MPHOSPH8: variants seen among roughly 807,000 people sequenced by gnomAD.
The protein encoded by MPHOSPH8 is M-phase phosphoprotein 8, also known as M-phase phosphoprotein, mpp.
In MPHOSPH8, 45 loss-of-function variants were observed where a neutral mutation model predicts 87.3. The observed-to-expected ratio is 0.52, with a 90% CI of 0.41 to 0.66. The LOEUF is 0.66. MPHOSPH8 is among the 30% of genes least tolerant of loss of function. The pLI is 0.00. For synonymous variants in MPHOSPH8, 366 were observed against 376.9 expected (o/e 0.97, Z 0.33); for missense variants, 883 against 1,020.2 (o/e 0.87, Z 1.83).
At chr13:19,670,958 TA>T in intron 12 of MPHOSPH8, 1 of 1,040,676 alleles carries the variant, frequency 9.6e-7, no homozygotes, top group Admixed American at 2.7e-5. Context: ...TACCTGGGAC[TA>T]AAAATGCACG....
intron 5 of MPHOSPH8, among the ~76,000 whole-genome samples, chr13:19,654,253 T>A (rs1354368992): frequency 5.3e-5 from 8 of 152,146 alleles, no homozygotes; most frequent in African/African-American, 1.9e-4. Context: ...CTACATGTTC[T>A]CACTCATAAG....
At chr13:19,659,676 A>T (rs56032248) in intron 7 of MPHOSPH8, 34,064 of 432,610 alleles carry the variant, frequency 0.079, 1,702 homozygotes, top group African/African-American at 0.18. Flanking sequence ...AAAAAAAAAA[A>T]AATAATGCAC....
At chr13:19,652,691 C>T (rs1203707596) in intron 5 of MPHOSPH8, among the ~76,000 whole-genome samples, 1 of 152,196 alleles carries the variant, frequency 6.6e-6, no homozygotes. Context: ...GCTTGAAATT[C>T]TCGCTGCCAG....
At chr13:19,649,950 G>A (rs758916404) in intron 4 of MPHOSPH8, 53 bp from the exon 5 acceptor site, 1 of 1,386,270 alleles carries the variant, frequency 7.2e-7, no homozygotes, top group Non-Finnish European at 9.8e-7. Flanking sequence ...TCTTTTGAAT[G>A]TAACAGAAAT....
intron 1 of MPHOSPH8, 75 bp from the exon 2 acceptor site, chr13:19,642,040 G>GTTTT (rs35022508): frequency 0.017 from 9,279 of 550,218 alleles, 42 homozygotes; most frequent in East Asian, 0.027. Flanking sequence ...CTTCTCATCA[G>GTTTT]TTTTTTTTTT....
Position 19,661,826 on chromosome 13 carries a change from T to C in MPHOSPH8, c.1920T>C (p.His640=). The change falls in exon 8 of 14, where the codon CAT becomes CAC. Residue 640 remains histidine, a synonymous_variant. Coordinates refer to ENST00000361479, the MANE Select transcript of MPHOSPH8 (RefSeq NM_017520.4). ...AGAACGGGACCACCGCCCTCATTCA[T>C]GCTGCAGAGAAGGTTTGTGGCTTCT... ...RQKNGTTALI[H]AAEKNFLTTV... 2 of 1,611,002 alleles carry C rather than the reference T, an allele frequency of 1.2e-6. No individual in the cohort carries two copies. The highest frequency in any genetic ancestry group is 4.5e-5 in the East Asian group (2 of 44,694).
intron 1 of MPHOSPH8, among the ~76,000 whole-genome samples, chr13:19,638,795 G>T (rs907666067): frequency 1.1e-4 from 16 of 152,054 alleles, no homozygotes; most frequent in Admixed American, 5.2e-4. Context: ...AAAGTTTATT[G>T]CCTTGGTGGT....
intron 1 of MPHOSPH8, among the ~76,000 whole-genome samples, chr13:19,634,763 G>C (rs1820806995): frequency 6.6e-6 from 1 of 152,122 alleles, no homozygotes; most frequent in Non-Finnish European, 1.5e-5. Context: ...GCTATATGTG[G>C]TCTCCTTTAA....
chr13:19,672,258 C>T lies in MPHOSPH8; in HGVS notation c.*383C>T. ...CTCCTGGGTTCAAGTGATTCTCCTG[C>T]CTCAGCCTCCTGAGTAGCTGGGATT... On this transcript the variant is annotated 3_prime_UTR_variant, in exon 14 of 14. Coordinates refer to ENST00000361479, the MANE Select transcript of MPHOSPH8 (RefSeq NM_017520.4). 1 of 177,262 alleles carries T rather than the reference C, an allele frequency of 5.6e-6. No individual in the cohort carries two copies. 11.0% of individuals were successfully genotyped at this position (177,262 alleles called of 1,614,324 possible). A position where few individuals can be genotyped will look rare whatever the true frequency, so the allele number is the denominator to read the frequency against.
At chr13:19,652,950 C>T (rs1874941227) in intron 5 of MPHOSPH8, among the ~76,000 whole-genome samples, 1 of 152,130 alleles carries the variant, frequency 6.6e-6, no homozygotes, top group African/African-American at 2.4e-5. Context: ...GTAGATAAAA[C>T]CCCCATCTCC....
Position 19,670,319 on chromosome 13 carries a change from C to T in MPHOSPH8, c.2413C>T (p.Gln805Ter). The T allele has an allele frequency of 6.2e-7, 1 of 1,614,134 alleles. No homozygotes were observed. The highest frequency in any genetic ancestry group is 8.5e-7 in the Non-Finnish European group (1 of 1,179,958). Reference sequence around the variant, plus strand: ...TCGGCTCTGTGGACCGTGTAGTGTACAAGCTGTAGTTCTGAATGATAAATT... The same window carrying T: ...TCGGCTCTGTGGACCGTGTAGTGTATAAGCTGTAGTTCTGAATGATAAATT... ...IARLCGPCSV[Q>*]AVVLNDKFQL... The change falls in exon 12 of 14, where the codon CAA becomes TAA. Residue 805 changes from glutamine to a stop codon, truncating the protein, a stop_gained. Coordinates refer to ENST00000361479, the MANE Select transcript of MPHOSPH8 (RefSeq NM_017520.4). LOFTEE classifies it high-confidence loss of function.
rs1328745288 is a variant in MPHOSPH8 at position 19,671,260 on chromosome 13, A to C, written c.2512A>C (p.Ile838Leu). The change falls in exon 13 of 14, where the codon ATA becomes CTA. Residue 838 changes from isoleucine to leucine, a missense_variant. Ile to Leu is a conservative substitution (Grantham distance 5). Transcript: ENST00000361479. ...TGTTGCAGGTCCCAATAAACTCTTC[A>C]TAAGGTTGACAGAAGCACCCTCTGC... ...SPVAGPNKLF[I>L]RLTEAPSAKV... 3 of 1,613,862 alleles carry C rather than the reference A, an allele frequency of 1.9e-6. No homozygotes were observed. Among genetic ancestry groups the C allele is most frequent in the Non-Finnish European group, 2.5e-6 (3 of 1,179,968 alleles).
At chr13:19,650,389 G>C in intron 5 of MPHOSPH8, 129 bp downstream of exon 5, 1 of 1,072,582 alleles carries the variant, frequency 9.3e-7, no homozygotes, top group Non-Finnish European at 1.3e-6. Context: ...TGGATCTCCT[G>C]AATAAATAAC....
At chr13:19,658,130 G>C (rs1340491396) in intron 5 of MPHOSPH8, among the ~76,000 whole-genome samples, 1 of 152,236 alleles carries the variant, frequency 6.6e-6, no homozygotes, top group African/African-American at 2.4e-5. Context: ...TCTGCTGTCA[G>C]CTCTCAGAGT....
chr13:19,643,962 A>C (rs1325964073), intron 2 of MPHOSPH8, among the ~76,000 whole-genome samples: 1 of 152,200 alleles, frequency 6.6e-6, no homozygotes, highest in Non-Finnish European at 1.5e-5. Flanking sequence ...TAAATCTTAC[A>C]ATACAGAGAA....
chr13:19,648,577 C>T (rs776673589), intron 4 of MPHOSPH8, 56 bp downstream of exon 4: 9 of 756,108 alleles, frequency 1.2e-5, no homozygotes, highest in East Asian at 3.4e-5. Context: ...ATACAAATAA[C>T]CAGTTACCTA....
chr13:19,642,697 A>C (rs767029543), intron 2 of MPHOSPH8, among the ~76,000 whole-genome samples: 7 of 152,164 alleles, frequency 4.6e-5, no homozygotes, highest in Non-Finnish European at 7.3e-5. Flanking sequence ...AAAAAAAAAA[A>C]AACAACTTAG....
At position 19,661,849 on chromosome 13, in the gene MPHOSPH8, T is replaced by A; in HGVS notation, c.1932+11T>A. ...CATGCTGCAGAGAAGGTTTGTGGCTTCTTATGCATCAGTTTCAGAGCTTTC... is the reference window on the plus strand; with the variant it reads ...CATGCTGCAGAGAAGGTTTGTGGCTACTTATGCATCAGTTTCAGAGCTTTC... On this transcript the variant is annotated intron_variant, in intron 8 of 13. Transcript: ENST00000361479. 1 of 1,597,598 alleles carries A rather than the reference T, an allele frequency of 6.3e-7. No individual in the cohort carries two copies. Among genetic ancestry groups the A allele is most frequent in the Non-Finnish European group, 8.5e-7 (1 of 1,170,786 alleles).
chr13:19,664,378 C>A (rs1342461698), intron 9 of MPHOSPH8, among the ~76,000 whole-genome samples: 3 of 152,196 alleles, frequency 2.0e-5, no homozygotes, highest in African/African-American at 4.8e-5. Context: ...TGCAGCCACG[C>A]AGGTGCATTT....
Sources: allele counts gnomAD v4.1 joint callset (sites outside exome capture counted in the v4.1 genomes callset), GRCh38; gene constraint gnomAD v4.1.1; transcripts MANE v1.5; gene names NCBI Gene and HGNC (gene_info 2026-07-23, HGNC 2026-07-21).